The following GP9 variants were observed in gnomAD, a reference collection of about 807,000 sequenced individuals.
GP9 encodes the protein platelet glycoprotein IX.
For synonymous variants in GP9, 116 were observed against 116.7 expected, an observed-to-expected ratio of 0.99 and a Z score of 0.04; for missense variants, 228 against 241.8, an observed-to-expected ratio of 0.94 and a Z score of 0.38.
At chr3:129,057,833 T>C (rs926027990), upstream of GP9, among the ~76,000 whole-genome samples, 11 of 148,382 alleles carry the variant, frequency 7.4e-5, no homozygotes, top group East Asian at 9.8e-4. Context: ...GTTGCTTCTT[T>C]TTTTTTTTTT....
chr3:129,060,668 G>A (rs1946563593), upstream of GP9: 1 of 152,340 alleles, frequency 6.6e-6, no homozygotes, highest in Admixed American at 6.5e-5. Flanking sequence ...GGGCCCCTGA[G>A]GGCCTCCTGC....
chr3:129,059,831 C>G (rs550721537), upstream of GP9, among the ~76,000 whole-genome samples: 7 of 152,322 alleles, frequency 4.6e-5, no homozygotes, highest in South Asian at 1.5e-3. Context: ...CACACCCCCA[C>G]CCCCGTAGGG....
chr3:129,062,017 T>C lies in GP9; in HGVS notation c.278T>C (p.Leu93Pro). 6.2e-7 allele frequency: 1 copy of C among 1,613,608 alleles called. No homozygotes were observed. Among genetic ancestry groups the C allele is most frequent in the South Asian group, 1.1e-5 (1 of 91,090 alleles). ...AACCCCTGGCACTGTGACTGCAGCC[T>C]CACCTATCTGCGCCTCTGGCTGGAG... The part of the protein sequence containing the change: ...TQNPWHCDCS[L>P]TYLRLWLEDR... The change falls in exon 3 of 3, where the codon CTC (leucine) becomes CCC (proline). Residue 93 changes from leucine (L) to proline (P), a missense_variant. By Grantham distance (98) the Leu-to-Pro change is moderately conservative. Coordinates refer to ENST00000307395, the MANE Select transcript of GP9 (RefSeq NM_000174.5).
upstream of GP9, among the ~76,000 whole-genome samples, chr3:129,058,132 G>A (rs989290052): frequency 1.3e-5 from 2 of 152,122 alleles, no homozygotes; most frequent in African/African-American, 4.8e-5. Context: ...GTGAGCCACC[G>A]CGCCTGGTCT....
chr3:129,057,892 G>A (rs1394196466), upstream of GP9, among the ~76,000 whole-genome samples: 1 of 144,604 alleles, frequency 6.9e-6, no homozygotes, highest in African/African-American at 2.6e-5. Flanking sequence ...GGAGTGCAAT[G>A]GCGCGATCTC....
chr3:129,062,253 A>T lies in GP9; in HGVS notation c.514A>T (p.Thr172Ser), dbSNP rs1413531552. ...LALLAGLLCA[T>S]TEALD ...TCTTCTGGCTGGCCTGCTGTGTGCC[A>T]CCACAGAGGCCCTGGATTGAGCCAG... The change falls in exon 3 of 3, where the codon ACC becomes TCC. Residue 172 changes from threonine (T) to serine (S), a missense_variant. Coordinates refer to ENST00000307395, the MANE Select transcript of GP9 (RefSeq NM_000174.5). 6.4e-7 allele frequency: 1 copy of T among 1,553,806 alleles called. No homozygotes were observed. The highest frequency in any genetic ancestry group is 8.7e-7 in the Non-Finnish European group (1 of 1,150,578).
Position 129,062,031 on chromosome 3 carries a change from C to T in GP9, c.292C>T (p.Leu98Phe). 1.9e-6 allele frequency: 3 copies of T among 1,613,514 alleles called. No individual in the cohort carries two copies. The highest frequency in any genetic ancestry group is 2.5e-6 in the Non-Finnish European group (3 of 1,179,850). The change falls in exon 3 of 3, where the codon CTC becomes TTC. Residue 98 changes from leucine (L) to phenylalanine (F), a missense_variant. Transcript: ENST00000307395. ...TGACTGCAGCCTCACCTATCTGCGC[C>T]TCTGGCTGGAGGACCGCACGCCCGA... ...HCDCSLTYLR[L>F]WLEDRTPEAL...
chr3:129,061,794 G>T lies in GP9; in HGVS notation c.55G>T (p.Asp19Tyr). The change falls in exon 3 of 3, where the codon GAC (aspartate) becomes TAC (tyrosine). Residue 19 changes from aspartate (D) to tyrosine (Y), a missense_variant. Physicochemically the swap from Asp to Tyr is radical, Grantham distance 160 (BLOSUM62 -3). Transcript: ENST00000307395. ...CTGGGCCACAGCAGAGGCCACCAAG[G>T]ACTGCCCCAGCCCATGTACCTGCCG... The part of the protein sequence containing the change: ...LLWATAEATK[D>Y]CPSPCTCRAL... The T allele has an allele frequency of 6.2e-7, 1 of 1,613,134 alleles. No homozygotes were observed. The highest frequency in any genetic ancestry group is 8.5e-7 in the Non-Finnish European group (1 of 1,179,744).
chr3:129,060,476 G>A (rs777325777), upstream of GP9, among the ~76,000 whole-genome samples: 16 of 152,244 alleles, frequency 1.1e-4, no homozygotes, highest in Non-Finnish European at 1.5e-4. Flanking sequence ...ACTGAGATTC[G>A]GAGGAACAAC....
upstream of GP9, among the ~76,000 whole-genome samples, chr3:129,056,857 C>T (rs1202898568): frequency 1.3e-5 from 2 of 152,166 alleles, no homozygotes. Flanking sequence ...AGGGACATGG[C>T]TAGCCTACCA....
At position 129,062,363 on chromosome 3, in the gene GP9, AC is replaced by A; in HGVS notation, c.*92del. ...CCACCAAGCCTGGTCAGCCCAAACC[AC>A]CAGAAGCCCAGAATAAACTGGCAGC... On this transcript the variant is annotated 3_prime_UTR_variant, in exon 3 of 3. Coordinates refer to ENST00000307395, the MANE Select transcript of GP9 (RefSeq NM_000174.5). 1.1e-6 allele frequency: 1 copy of A among 877,104 alleles called. No individual in the cohort carries two copies. The highest frequency in any genetic ancestry group is 1.7e-6 in the Non-Finnish European group (1 of 573,418). 54.3% of individuals were successfully genotyped at this position (877,104 alleles called of 1,614,324 possible).
chr3:129,055,429 A>G, the GP9 span, among the ~76,000 whole-genome samples: 6 of 152,204 alleles, frequency 3.9e-5, no homozygotes, highest in Non-Finnish European at 7.3e-5. Context: ...AAGCATCATC[A>G]TTCATTTCTG....
At chr3:129,055,364 C>A in the GP9 span, among the ~76,000 whole-genome samples, 1 of 152,132 alleles carries the variant, frequency 6.6e-6, no homozygotes, top group African/African-American at 2.4e-5. Context: ...AATTGAGAAA[C>A]CAGTCTCACC....
upstream of GP9, among the ~76,000 whole-genome samples, chr3:129,058,439 C>A (rs114651773): frequency 1.0e-3 from 152 of 152,340 alleles, no homozygotes; most frequent in African/African-American, 3.5e-3. Context: ...CGGTCCCCAG[C>A]CTGCTGATGG....
At position 129,062,227 on chromosome 3, in the gene GP9, C is replaced by A. The variant is rs181175542; in HGVS notation, c.488C>A (p.Ala163Asp). 5.9e-5 allele frequency: 92 copies of A among 1,562,412 alleles called. No individual in the cohort carries two copies. In the African/African-American group the frequency reaches 1.0e-3, roughly 17 times the overall value. Residue 163 changes from alanine (A) to aspartate (D), a missense_variant, in exon 3 of 3, where the codon GCT becomes GAT. Transcript: ENST00000307395. Reference protein sequence around the residue: ...ALVAVAALGLALLAGLLCATT... With the variant: ...ALVAVAALGLDLLAGLLCATT... ...GTCGCCGTGGCCGCGCTGGGCCTGG[C>A]TCTTCTGGCTGGCCTGCTGTGTGCC...
In GP9 at chr3:129,062,262, G is replaced by A. The variant is rs992462327; in HGVS notation, c.523G>A (p.Ala175Thr). 3 of 1,550,676 alleles carry A rather than the reference G, an allele frequency of 1.9e-6. No individual in the cohort carries two copies. The highest frequency in any genetic ancestry group is 1.4e-5 in the African/African-American group (1 of 73,400). Residue 175 changes from alanine to threonine, a missense_variant, in exon 3 of 3, where the codon GCC becomes ACC. Physicochemically the swap from Ala to Thr is moderately conservative, Grantham distance 58 (BLOSUM62 0). Coordinates refer to ENST00000307395, the MANE Select transcript of GP9 (RefSeq NM_000174.5). ...TGGCCTGCTGTGTGCCACCACAGAGGCCCTGGATTGAGCCAGGCCCCCAGA... is the reference window on the plus strand; with the variant it reads ...TGGCCTGCTGTGTGCCACCACAGAGACCCTGGATTGAGCCAGGCCCCCAGA... Reference protein sequence around the residue: ...LAGLLCATTEALD With the variant: ...LAGLLCATTETLD
chr3:129,061,893 C>G lies in GP9; in HGVS notation c.154C>G (p.Arg52Gly). The G allele has an allele frequency of 1.9e-6, 3 of 1,613,414 alleles. No individual in the cohort carries two copies. The highest frequency in any genetic ancestry group is 2.5e-6 in the Non-Finnish European group (3 of 1,179,810). ...CACGGCCCTGCCTGCCCTGCCGGCC[C>G]GCACCCGCCACCTTCTGCTGGCCAA... ...GLTALPALPARTRHLLLANNS... is the reference protein window; with the variant it reads ...GLTALPALPAGTRHLLLANNS... Residue 52 changes from arginine to glycine, a missense_variant, in exon 3 of 3, where the codon CGC becomes GGC. By Grantham distance (125) the Arg-to-Gly change is moderately radical. Coordinates refer to ENST00000307395, the MANE Select transcript of GP9 (RefSeq NM_000174.5).
chr3:129,057,827 C>CTTTTTTTTTTTTTTTTTTTTTTT (rs199729798), upstream of GP9, among the ~76,000 whole-genome samples: 1 of 136,316 alleles, frequency 7.3e-6, no homozygotes, highest in Non-Finnish European at 1.5e-5. Context: ...TTATAGGTTG[C>CTTTTTTTTTTTTTTTTTTTTTTT]TTCTTTTTTT....
In GP9 at chr3:129,061,811, TAC is replaced by T; in HGVS notation, c.73_74del (p.Thr25LeufsTer47). ...CCACCAAGGACTGCCCCAGCCCATG[TAC>T]CTGCCGCGCCCTGGAAACCATGGGG... ...EATKDCPSPCTCRALETMGLW... is the reference protein window; with the variant it reads ...EATKDCPSPCXCRALETMGLW... On this transcript the variant is annotated frameshift_variant, in exon 3 of 3. Coordinates refer to ENST00000307395, the MANE Select transcript of GP9 (RefSeq NM_000174.5). LOFTEE classifies it low-confidence loss of function (END_TRUNC). 6.2e-7 allele frequency: 1 copy of T among 1,612,888 alleles called. No homozygotes were observed. Among genetic ancestry groups the T allele is most frequent in the Non-Finnish European group, 8.5e-7 (1 of 1,179,578 alleles).
Sources: allele counts gnomAD v4.1 joint callset (sites outside exome capture counted in the v4.1 genomes callset), GRCh38; gene constraint gnomAD v4.1.1; transcripts MANE v1.5; gene names NCBI Gene and HGNC (gene_info 2026-07-23, HGNC 2026-07-21).